Variants in AEBP2 observed in about 807,000 individuals in gnomAD.
The protein encoded by AEBP2 is AE binding protein 2, also known as zinc finger protein AEBP2.
In AEBP2, 10 loss-of-function variants were observed where a neutral mutation model predicts 50.8. That is an observed-to-expected ratio of 0.20 (90% confidence interval 0.12 to 0.33). AEBP2 has a LOEUF of 0.33. Among genes scored for constraint, AEBP2 ranks in the 10% least tolerant of loss-of-function variants. The probability of loss-of-function intolerance (pLI) is 1.00; values close to 1 mark genes in which losing one functional copy is unlikely to be tolerated. For synonymous variants in AEBP2, 296 were observed against 261.3 expected (o/e 1.13, Z -1.28); for missense variants, 570 against 688.0 (o/e 0.83, Z 1.92).
chr12:19,486,921 G>T (rs935437084), intron 3 of AEBP2, among the ~76,000 whole-genome samples: 1 of 151,968 alleles, frequency 6.6e-6, no homozygotes, highest in African/African-American at 2.4e-5. Context: ...GCCTTCCAAG[G>T]TGCTGGGATT....
intron 1 of AEBP2, among the ~76,000 whole-genome samples, chr12:19,407,102 G>A (rs1375613933): frequency 1.3e-5 from 2 of 152,056 alleles, no homozygotes; most frequent in East Asian, 3.9e-4. Context: ...AATAATTTGA[G>A]AACATTATGA....
intron 1 of AEBP2, among the ~76,000 whole-genome samples, chr12:19,421,344 C>CAAA (rs375160231): frequency 1.4e-3 from 118 of 81,526 alleles, no homozygotes; most frequent in Non-Finnish European, 1.5e-3. Flanking sequence ...GACTCTGTCT[C>CAAA]AAAAAAAAAA....
chr12:19,518,609 A>G lies in AEBP2; in HGVS notation c.*492A>G. 2 of 1,397,576 alleles carry G rather than the reference A, an allele frequency of 1.4e-6. No individual in the cohort carries two copies. The highest frequency in any genetic ancestry group is 1.9e-6 in the Non-Finnish European group (2 of 1,050,490). 86.6% of individuals were successfully genotyped at this position (1,397,576 alleles called of 1,614,324 possible). On this transcript the variant is annotated 3_prime_UTR_variant, in exon 8 of 8. Coordinates refer to ENST00000266508, the MANE Select transcript of AEBP2 (RefSeq NM_153207.5). ...AATATTTAGACAATGAAAATTATCA[A>G]GAGATAATTTACCTTTCAATTATGA...
intron 1 of AEBP2, among the ~76,000 whole-genome samples, chr12:19,445,056 C>A (rs1948035084): frequency 6.6e-6 from 1 of 151,766 alleles, no homozygotes; most frequent in Non-Finnish European, 1.5e-5. Context: ...CTTGAGGTCT[C>A]TTGTCTATGA....
chr12:19,407,719 G>A (rs1247558799), intron 1 of AEBP2, among the ~76,000 whole-genome samples: 2 of 152,150 alleles, frequency 1.3e-5, no homozygotes, highest in Non-Finnish European at 2.9e-5. Flanking sequence ...GATTACAGGT[G>A]TGAGCCACTG....
chr12:19,432,040 G>C (rs371109201), intron 1 of AEBP2, among the ~76,000 whole-genome samples: 1 of 152,204 alleles, frequency 6.6e-6, no homozygotes, highest in African/African-American at 2.4e-5. Context: ...GGGCATGTCT[G>C]GCAAACTGGC....
At chr12:19,488,780 T>C (rs1948853232) in intron 3 of AEBP2, among the ~76,000 whole-genome samples, 1 of 152,146 alleles carries the variant, frequency 6.6e-6, no homozygotes, top group African/African-American at 2.4e-5. Flanking sequence ...TTAGAAAAGC[T>C]ACTTGGCCAC....
At chr12:19,476,045 G>C (rs187401866) in intron 3 of AEBP2, among the ~76,000 whole-genome samples, 100 of 152,112 alleles carry the variant, frequency 6.6e-4, no homozygotes, top group African/African-American at 2.3e-3. Context: ...TTCTTTTTAT[G>C]TGCAGAAGCT....
At chr12:19,450,247 A>C (rs962588147) in intron 1 of AEBP2, among the ~76,000 whole-genome samples, 1 of 151,938 alleles carries the variant, frequency 6.6e-6, no homozygotes, top group Non-Finnish European at 1.5e-5. Flanking sequence ...TTGGAGTTGG[A>C]TTTGATGTTG....
chr12:19,408,895 T>A (rs2095737763), intron 1 of AEBP2, among the ~76,000 whole-genome samples: 1 of 123,662 alleles, frequency 8.1e-6, no homozygotes, highest in African/African-American at 3.4e-5. Flanking sequence ...AGAGTGAGAC[T>A]CTGTCTCAAA....
intron 2 of AEBP2, among the ~76,000 whole-genome samples, chr12:19,464,155 C>T (rs1948429467): frequency 6.6e-6 from 1 of 152,218 alleles, no homozygotes; most frequent in Admixed American, 6.5e-5. Context: ...CTGTGTCCAT[C>T]ATATGGTATT....
chr12:19,518,389 T>A lies in AEBP2; in HGVS notation c.*272T>A, dbSNP rs183067508. The A allele has an allele frequency of 4.6e-4, 564 of 1,228,756 alleles. 1 individual carries two copies. The highest frequency in any genetic ancestry group is 5.3e-4 in the Non-Finnish European group (520 of 984,438). 76.1% of individuals were successfully genotyped at this position (1,228,756 alleles called of 1,614,324 possible). Reference sequence around the variant, plus strand: ...ACTGAGCAAACACTCTTTTGGCAACTTAGTAGAACAGCTTCTTAAAGGCTT... The same window carrying A: ...ACTGAGCAAACACTCTTTTGGCAACATAGTAGAACAGCTTCTTAAAGGCTT... On this transcript the variant is annotated 3_prime_UTR_variant, in exon 8 of 8. Transcript: ENST00000266508.
At chr12:19,435,939 G>A (rs891777735), upstream of AEBP2, among the ~76,000 whole-genome samples, 1 of 152,026 alleles carries the variant, frequency 6.6e-6, no homozygotes, top group Non-Finnish European at 1.5e-5. Context: ...AGAGGTGTTC[G>A]AACCACAGCG....
chr12:19,431,244 T>G (rs1046433557), intron 1 of AEBP2, among the ~76,000 whole-genome samples: 3 of 152,242 alleles, frequency 2.0e-5, no homozygotes, highest in African/African-American at 7.2e-5. Context: ...TCCAGACTGC[T>G]GATAGACTTT....
chr12:19,502,152 T>G (rs957196057), intron 5 of AEBP2, among the ~76,000 whole-genome samples: 6 of 152,132 alleles, frequency 3.9e-5, no homozygotes, highest in Non-Finnish European at 7.4e-5. Flanking sequence ...TTTTTTCTTT[T>G]GAGACAGAGT....
chr12:19,460,875 C>A (rs746949315), intron 1 of AEBP2, among the ~76,000 whole-genome samples: 1 of 151,008 alleles, frequency 6.6e-6, no homozygotes, highest in Non-Finnish European at 1.5e-5. Context: ...AGGATGGTCT[C>A]GATCTCCTGA....
intron 3 of AEBP2, among the ~76,000 whole-genome samples, chr12:19,483,686 G>T (rs1380478689): frequency 6.6e-6 from 1 of 152,112 alleles, no homozygotes; most frequent in Non-Finnish European, 1.5e-5. Context: ...AGTTCATAGT[G>T]AATAGTCTCA....
chr12:19,474,645 AAAAGAAAC>A (rs2153372595), intron 3 of AEBP2, among the ~76,000 whole-genome samples: 1 of 152,298 alleles, frequency 6.6e-6, no homozygotes, highest in East Asian at 1.9e-4. Flanking sequence ...CCTTGCTTTA[AAAAGAAAC>A]AAACTTAATT....
chr12:19,420,407 C>T (rs2095745042), intron 1 of AEBP2, among the ~76,000 whole-genome samples: 1 of 142,988 alleles, frequency 7.0e-6, no homozygotes, highest in Non-Finnish European at 1.5e-5. Flanking sequence ...TATCTCGGCT[C>T]ACTACAGTCT....
Sources: allele counts gnomAD v4.1 joint callset (sites outside exome capture counted in the v4.1 genomes callset), GRCh38; gene constraint gnomAD v4.1.1; transcripts MANE v1.5; gene names NCBI Gene and HGNC (gene_info 2026-07-23, HGNC 2026-07-21).